Variants in MIOS observed in about 807,000 individuals in gnomAD.
MIOS encodes the protein meiosis regulator for oocyte development.
MIOS carries 52 observed loss-of-function variants against 96.9 expected under a neutral mutation model. The ratio of observed to expected loss-of-function variants is 0.54; its 90% confidence interval spans 0.43 to 0.68. MIOS has a LOEUF of 0.68. Among genes scored for constraint, MIOS ranks in the 30% least tolerant of loss-of-function variants. The pLI, the probability that MIOS is intolerant of heterozygous loss-of-function variation, is 0.00. For missense variants in MIOS, 1,005 were observed against 1,052.8 expected (o/e 0.95, Z 0.63); for synonymous variants, 397 against 359.5 (o/e 1.10, Z -1.18).
At chr7:7,594,882 T>G in intron 9 of MIOS, 98 bp from the exon 10 acceptor site, 5 of 574,348 alleles carry the variant, frequency 8.7e-6, no homozygotes, top group South Asian at 4.4e-5. Context: ...AAAAAAGGCC[T>G]ATTTCTTCTG....
In MIOS at chr7:7,589,527, T is replaced by G. The variant is rs1263346531; in HGVS notation, c.2007T>G (p.Thr669=). 1.2e-6 allele frequency: 2 copies of G among 1,612,624 alleles called. No homozygotes were observed. Among genetic ancestry groups the G allele is most frequent in the Non-Finnish European group, 1.7e-6 (2 of 1,179,164 alleles). ...TAATGGAGAGTTATGTTGATAGAAC[T>G]GGAGATGTTCAAACAGCAAGTTACT... is the stretch of plus-strand genomic sequence containing the variant. ...VDLMESYVDR[T]GDVQTASYCM... The change falls in exon 9 of 13, where the codon ACT becomes ACG. Residue 669 remains threonine (T), a synonymous_variant. Coordinates refer to ENST00000340080, the MANE Select transcript of MIOS (RefSeq NM_019005.4).
chr7:7,588,331 T>G (rs1244112184), intron 7 of MIOS, among the ~76,000 whole-genome samples, 167 bp from the exon 8 acceptor site: 1 of 152,120 alleles, frequency 6.6e-6, no homozygotes, highest in African/African-American at 2.4e-5. Context: ...AAGAGTTACA[T>G]CAAGAAAGGC....
chr7:7,590,649 T>A (rs915375525), intron 9 of MIOS, among the ~76,000 whole-genome samples: 7 of 152,218 alleles, frequency 4.6e-5, no homozygotes, highest in African/African-American at 1.7e-4. Flanking sequence ...GTTCCTTTCC[T>A]ACCTTATTTT....
intron 12 of MIOS, among the ~76,000 whole-genome samples, chr7:7,606,426 C>G (rs1448283322): frequency 6.6e-6 from 1 of 152,176 alleles, no homozygotes; most frequent in Non-Finnish European, 1.5e-5. Flanking sequence ...AAGAGCATAT[C>G]ATACCTCTGC....
chr7:7,569,114 AATGGCCC>A (rs1318702762), intron 3 of MIOS, among the ~76,000 whole-genome samples: 1 of 152,182 alleles, frequency 6.6e-6, no homozygotes, highest in Non-Finnish European at 1.5e-5. Flanking sequence ...GAGATGGGAA[AATGGCCC>A]AGATCTCATG....
intron 10 of MIOS, 51 bp downstream of exon 10, chr7:7,595,183 T>G: frequency 1.9e-6 from 3 of 1,558,366 alleles, no homozygotes; most frequent in Non-Finnish European, 2.6e-6. Flanking sequence ...TGATGTTCAA[T>G]TTAATAAGTT....
intron 12 of MIOS, 91 bp from the exon 13 acceptor site, chr7:7,606,904 AG>A: frequency 9.9e-7 from 1 of 1,012,258 alleles, no homozygotes; most frequent in Non-Finnish European, 1.5e-6. Flanking sequence ...TGGGAAATAT[AG>A]GGAGACCCTG....
intron 3 of MIOS, among the ~76,000 whole-genome samples, chr7:7,570,668 C>T (rs1299728447): frequency 2.0e-5 from 3 of 151,838 alleles, no homozygotes; most frequent in Non-Finnish European, 4.4e-5. Context: ...GATCATCAGG[C>T]ATTAGATTCT....
chr7:7,575,456 T>C (rs1783499045), intron 5 of MIOS, among the ~76,000 whole-genome samples: 1 of 152,072 alleles, frequency 6.6e-6, no homozygotes, highest in African/African-American at 2.4e-5. Context: ...GTAAAATGAA[T>C]AAGTTTAGTT....
chr7:7,598,873 C>A (rs1784291024), intron 11 of MIOS, among the ~76,000 whole-genome samples: 1 of 152,032 alleles, frequency 6.6e-6, no homozygotes, highest in African/African-American at 2.4e-5. Context: ...TCAGGTTTAT[C>A]AAATATTAAC....
chr7:7,600,059 G>A (rs777231730), intron 11 of MIOS, among the ~76,000 whole-genome samples: 18 of 151,822 alleles, frequency 1.2e-4, no homozygotes, highest in Non-Finnish European at 2.4e-4. Context: ...ACTACCTGTC[G>A]GGTACTATGT....
chr7:7,597,334 A>T (rs1439935847), intron 11 of MIOS, among the ~76,000 whole-genome samples: 5 of 11,704 alleles, frequency 4.3e-4, no homozygotes, highest in East Asian at 1.6e-3. Flanking sequence ...CTAAATTTAA[A>T]AAAAAAAAAT....
At chr7:7,599,222 A>C (rs1395143618) in intron 11 of MIOS, among the ~76,000 whole-genome samples, 1 of 152,204 alleles carries the variant, frequency 6.6e-6, no homozygotes, top group Non-Finnish European at 1.5e-5. Context: ...AATTGATGTG[A>C]GGCTATTAAG....
chr7:7,590,901 A>G (rs1342011037), intron 9 of MIOS, among the ~76,000 whole-genome samples: 3 of 152,142 alleles, frequency 2.0e-5, no homozygotes, highest in Non-Finnish European at 4.4e-5. Context: ...TGCTTCACAA[A>G]TGTCACAACA....
chr7:7,567,481 C>T (rs941877164), intron 1 of MIOS, 126 bp from the exon 2 acceptor site: 9 of 152,088 alleles, frequency 5.9e-5, no homozygotes, highest in Non-Finnish European at 1.2e-4. Flanking sequence ...CGGCCTGTCT[C>T]CCGGTGAGCT....
chr7:7,585,850 G>T (rs1783871299), intron 7 of MIOS, 45 bp downstream of exon 7: 3 of 1,480,256 alleles, frequency 2.0e-6, no homozygotes, highest in African/African-American at 2.9e-5. Flanking sequence ...ATTAAGATAG[G>T]AGTTTTTATC....
rs1784246127 is a variant in MIOS at position 7,597,502 on chromosome 7, ATATATATAT to A, written c.2401+1042_2401+1050del. On this transcript the variant is annotated intron_variant, in intron 11 of 12. Transcript: ENST00000340080. ...TATATATATATATATATATATATAT[ATATATATAT>A]ATATATGAAGGCAATACGTAATGTT... Among the ~76,000 whole-genome samples the A allele has an allele frequency of 2.7e-5, 2 of 72,748 alleles. 1 individual carries two copies. Among genetic ancestry groups the A allele is most frequent in the Admixed American group, 3.2e-4 (2 of 6,210 alleles). The allele number at this position is 72,748 out of a possible 152,430, so 47.7% of individuals were successfully genotyped here.
At chr7:7,602,099 C>G (rs10266754) in intron 11 of MIOS, among the ~76,000 whole-genome samples, 1 of 152,192 alleles carries the variant, frequency 6.6e-6, no homozygotes, top group African/African-American at 2.4e-5. Flanking sequence ...ATCTATGACA[C>G]ACCCACAGCC....
chr7:7,590,750 G>C (rs1784023686), intron 9 of MIOS, among the ~76,000 whole-genome samples: 7 of 151,924 alleles, frequency 4.6e-5, no homozygotes, highest in Admixed American at 4.6e-4. Flanking sequence ...TGTTGCTGTA[G>C]ATCTAACAAT....
Sources: gnomAD v4.1 joint callset for allele counts (sites outside exome capture counted in the v4.1 genomes callset) on GRCh38, gnomAD v4.1.1 for gene constraint, MANE v1.5 for transcripts, NCBI Gene and HGNC (gene_info 2026-07-23, HGNC 2026-07-21) for gene names.